The following TRDN variants were observed in gnomAD, a reference collection of about 807,000 sequenced individuals.
The protein encoded by TRDN is triadin.
In TRDN, 161 loss-of-function variants were observed where a neutral mutation model predicts 149.7. The ratio of observed to expected loss-of-function variants is 1.08; its 90% CI spans 0.95 to 1.23. The LOEUF (loss-of-function observed/expected upper bound fraction) is 1.23. TRDN is among the 50% of genes most tolerant of loss of function. TRDN has a pLI of 0.00. For synonymous variants in TRDN, 294 were observed against 250.5 expected (o/e 1.17, Z -1.64); for missense variants, 896 against 823.5 (o/e 1.09, Z -1.08).
At chr6:123,282,551 G>T (rs1203885955) in intron 24 of TRDN, among the ~76,000 whole-genome samples, 7 of 151,746 alleles carry the variant, frequency 4.6e-5, no homozygotes, top group Non-Finnish European at 1.0e-4. Context: ...TACAATGTGA[G>T]ATAAACATAT....
chr6:123,279,110 G>T (rs766127181), intron 24 of TRDN, 28 bp from the exon 25 acceptor site: 1 of 1,580,314 alleles, frequency 6.3e-7, no homozygotes. Flanking sequence ...AATTATTAAA[G>T]GCTGAGTCAT....
intron 2 of TRDN, among the ~76,000 whole-genome samples, chr6:123,563,424 C>T (rs1187989420): frequency 6.6e-6 from 1 of 152,140 alleles, no homozygotes; most frequent in African/African-American, 2.4e-5. Context: ...TCATATTGTA[C>T]TTTTATTAAT....
intron 14 of TRDN, among the ~76,000 whole-genome samples, chr6:123,386,188 T>C (rs558774981): frequency 1.3e-5 from 2 of 152,186 alleles, no homozygotes; most frequent in South Asian, 2.1e-4. Flanking sequence ...ACAAGTAACA[T>C]GAAGTACAAG....
intron 38 of TRDN, among the ~76,000 whole-genome samples, chr6:123,237,228 T>C (rs1248285508): frequency 1.3e-5 from 2 of 152,138 alleles, no homozygotes; most frequent in African/African-American, 4.8e-5. Context: ...ATAATGAGTT[T>C]TCTGTATTAA....
Position 123,352,537 on chromosome 6 carries a change from A to G in TRDN, c.1369+2T>C. 6.2e-7 allele frequency: 1 copy of G among 1,608,812 alleles called. No homozygotes were observed. The highest frequency in any genetic ancestry group is 8.5e-7 in the Non-Finnish European group (1 of 1,177,630). ...ATGTCAACCTCCTTCATTTTTTTTTACCTTGCTCCACTGTCTTGGTTGTTT... is the reference window on the plus strand; with the variant it reads ...ATGTCAACCTCCTTCATTTTTTTTTGCCTTGCTCCACTGTCTTGGTTGTTT... On this transcript the variant is annotated splice_donor_variant, in intron 21 of 40. Transcript: ENST00000334268. LOFTEE classifies it high-confidence loss of function.
At chr6:123,280,746 C>G (rs190941089) in intron 24 of TRDN, among the ~76,000 whole-genome samples, 6 of 151,146 alleles carry the variant, frequency 4.0e-5, no homozygotes, top group South Asian at 4.2e-4. Flanking sequence ...TTGCTTACTC[C>G]TTTTATGTGC....
intron 2 of TRDN, among the ~76,000 whole-genome samples, chr6:123,548,862 A>G (rs1781250396): frequency 6.6e-6 from 1 of 152,034 alleles, no homozygotes; most frequent in South Asian, 2.1e-4. Context: ...ACTGGAAAAA[A>G]AATTAGGAAT....
In TRDN at chr6:123,437,573, C is replaced by T. The variant is rs114094551; in HGVS notation, c.1051+490G>A. Among the ~76,000 whole-genome samples, 736 of 151,670 alleles carry T rather than the reference C, an allele frequency of 4.9e-3. 9 individuals are homozygous for T. Among genetic ancestry groups the T allele is most frequent in the African/African-American group, 0.017 (698 of 41,356 alleles). On this transcript the variant is annotated intron_variant, in intron 12 of 40. Coordinates refer to ENST00000334268, the MANE Select transcript of TRDN (RefSeq NM_006073.4). ...ACAAGCCACTTTTCAGTTTCACAAC[C>T]CATAAAGCCTTTCTCAAGGAACTGA...
intron 1 of TRDN, among the ~76,000 whole-genome samples, chr6:123,606,447 A>G (rs1025482044): frequency 2.0e-5 from 3 of 152,048 alleles, no homozygotes; most frequent in Admixed American, 6.6e-5. Flanking sequence ...TGATGGACAT[A>G]TGAATATGTC....
At chr6:123,369,239 C>T (rs1002923082) in intron 19 of TRDN, among the ~76,000 whole-genome samples, 4 of 152,140 alleles carry the variant, frequency 2.6e-5, no homozygotes, top group Admixed American at 2.0e-4. Flanking sequence ...CAAATTTCCT[C>T]TTCTTTTAAG....
chr6:123,485,902 T>C (rs2114782438), intron 9 of TRDN, among the ~76,000 whole-genome samples: 1 of 152,272 alleles, frequency 6.6e-6, no homozygotes, highest in Admixed American at 6.5e-5. Flanking sequence ...AACCATTTTC[T>C]CTTTTATTTG....
At chr6:123,388,467 G>C (rs1781987673) in intron 14 of TRDN, 55 bp downstream of exon 14, 2 of 1,557,446 alleles carry the variant, frequency 1.3e-6, no homozygotes, top group Non-Finnish European at 1.7e-6. Context: ...CCCAACTCAG[G>C]ATATTGGTAA....
At chr6:123,324,489 C>CA (rs1304655938) in intron 23 of TRDN, among the ~76,000 whole-genome samples, 3 of 151,704 alleles carry the variant, frequency 2.0e-5, no homozygotes, top group Non-Finnish European at 4.4e-5. Flanking sequence ...CAAAATAAAA[C>CA]AAAAAAACCT....
At chr6:123,262,869 G>A (rs1176246007) in intron 33 of TRDN, among the ~76,000 whole-genome samples, 1 of 152,026 alleles carries the variant, frequency 6.6e-6, no homozygotes, top group Non-Finnish European at 1.5e-5. Flanking sequence ...ATGAATGTGT[G>A]TATTGAGACT....
intron 12 of TRDN, among the ~76,000 whole-genome samples, chr6:123,432,540 T>C (rs1322019697): frequency 1.3e-5 from 2 of 152,136 alleles, no homozygotes; most frequent in African/African-American, 4.8e-5. Flanking sequence ...ATCAATCTCC[T>C]ACATTCTGTT....
intron 21 of TRDN, chr6:123,351,501 C>T: frequency 7.1e-6 from 7 of 983,240 alleles, no homozygotes; most frequent in Non-Finnish European, 8.5e-6. Context: ...TTCAGAGTCC[C>T]CAGAAGCCAG....
chr6:123,393,268 G>T (rs1458467227), intron 13 of TRDN, among the ~76,000 whole-genome samples: 1 of 151,798 alleles, frequency 6.6e-6, no homozygotes, highest in African/African-American at 2.4e-5. Context: ...TAAATTACAA[G>T]GTATACTGAA....
At chr6:123,525,664 C>T (rs1011315912) in intron 5 of TRDN, among the ~76,000 whole-genome samples, 1 of 151,920 alleles carries the variant, frequency 6.6e-6, no homozygotes, top group African/African-American at 2.4e-5. Flanking sequence ...ACCCAAGTAA[C>T]AAACATGCAC....
intron 1 of TRDN, among the ~76,000 whole-genome samples, chr6:123,591,393 G>GC (rs1339217941): frequency 2.0e-5 from 3 of 152,018 alleles, no homozygotes; most frequent in Non-Finnish European, 2.9e-5. Context: ...TTACAGGCAT[G>GC]CCCCACCACG....
Sources: allele counts gnomAD v4.1 joint callset (sites outside exome capture counted in the v4.1 genomes callset), GRCh38; gene constraint gnomAD v4.1.1; transcripts MANE v1.5; gene names NCBI Gene and HGNC (gene_info 2026-07-23, HGNC 2026-07-21).